The following SNX27 variants were observed in gnomAD, a reference collection of about 807,000 sequenced individuals.
The protein encoded by SNX27 is sorting nexin-27.
A neutral mutation model predicts 71.6 loss-of-function variants in SNX27; 22 were observed. That is an observed-to-expected ratio of 0.31 (90% CI 0.22 to 0.44). The LOEUF (loss-of-function observed/expected upper bound fraction) is 0.44, where lower values mean the gene tolerates loss of function less well. Ranked by LOEUF, SNX27 falls within the 20% of genes least tolerant of loss-of-function variation. The pLI is 1.00. For missense variants in SNX27, 531 were observed against 698.6 expected (o/e 0.76, Z 2.70); for synonymous variants, 269 against 277.2 (o/e 0.97, Z 0.29).
At chr1:151,672,539 C>CT (rs1346454580) in intron 7 of SNX27, among the ~76,000 whole-genome samples, 5 of 151,996 alleles carry the variant, frequency 3.3e-5, no homozygotes, top group Non-Finnish European at 7.4e-5. Context: ...CTCCTCCTCT[C>CT]TTTTTTTGAA....
At position 151,696,649 on chromosome 1, in the gene SNX27, C is replaced by A. The variant is rs1249674253; in HGVS notation, c.*2232C>A. On this transcript the variant is annotated 3_prime_UTR_variant, in exon 12 of 12. Coordinates refer to ENST00000458013, the MANE Select transcript of SNX27 (RefSeq NM_001330723.2). ...TTCCCCTTCCTTCCTTCCTTTTTTT[C>A]TGTTTTTTTTTTTTTTTTTTCCCAG... 1 of 105,358 alleles carries A rather than the reference C, an allele frequency of 9.5e-6. No homozygotes were observed. The highest frequency in any genetic ancestry group is 3.3e-4 in the East Asian group (1 of 3,036). 6.5% of individuals were successfully genotyped at this position (105,358 alleles called of 1,614,324 possible). A position where few individuals can be genotyped will look rare whatever the true frequency, so the allele number is the denominator to read the frequency against.
At position 151,691,969 on chromosome 1, in the gene SNX27, G is replaced by A. The variant is rs146836230; in HGVS notation, c.1240-466G>A. Among the ~76,000 whole-genome samples the A allele has an allele frequency of 8.4e-3, 1,277 of 152,270 alleles. 14 individuals are homozygous for A. Among genetic ancestry groups the A allele is most frequent in the Non-Finnish European group, 0.012 (849 of 68,016 alleles). ...AACCCTTGCACTTTCGGTGGCTGAGGTGGGAGGATTAGTTGAGCCCAGGAG... is the reference window on the plus strand; with the variant it reads ...AACCCTTGCACTTTCGGTGGCTGAGATGGGAGGATTAGTTGAGCCCAGGAG... On this transcript the variant is annotated intron_variant, in intron 8 of 11. Transcript: ENST00000458013.
At chr1:151,628,647 A>G (rs1668059431) in intron 1 of SNX27, among the ~76,000 whole-genome samples, 1 of 152,168 alleles carries the variant, frequency 6.6e-6, no homozygotes, top group South Asian at 2.1e-4. Flanking sequence ...AGCATTTGGT[A>G]TTTGGTATTA....
chr1:151,613,214 C>T (rs1260911409), intron 1 of SNX27: 1 of 151,686 alleles, frequency 6.6e-6, no homozygotes, highest in African/African-American at 2.4e-5. Context: ...CCTTGCATGC[C>T]TTTGGGGTGG....
At chr1:151,651,563 G>A (rs1243546928) in intron 2 of SNX27, among the ~76,000 whole-genome samples, 5 of 151,926 alleles carry the variant, frequency 3.3e-5, no homozygotes, top group South Asian at 4.2e-4. Context: ...CCTCCCAGAC[G>A]GGGTCGCGGC....
At chr1:151,614,193 A>C (rs1406006500) in intron 1 of SNX27, 1 of 152,012 alleles carries the variant, frequency 6.6e-6, no homozygotes, top group Non-Finnish European at 1.5e-5. Context: ...AAAAAAAAGA[A>C]ATAGTTGCTC....
chr1:151,688,295 A>G (rs1671278950), intron 8 of SNX27, among the ~76,000 whole-genome samples: 1 of 152,282 alleles, frequency 6.6e-6, no homozygotes, highest in East Asian at 1.9e-4. Context: ...TTGGTGTTTT[A>G]AATACCAAAT....
chr1:151,637,153 G>GTTTTT lies in SNX27; in HGVS notation c.312-1731_312-1727dup, dbSNP rs200938062. 1.0e-3 allele frequency among the ~76,000 whole-genome samples: 65 copies of GTTTTT among 64,088 alleles called. 3 individuals are homozygous for GTTTTT. Among genetic ancestry groups the GTTTTT allele is most frequent in the African/African-American group, 2.5e-3 (50 of 20,288 alleles). The allele number at this position is 64,088 out of a possible 152,430, so 42.0% of individuals were successfully genotyped here. A position where few individuals can be genotyped will look rare whatever the true frequency, so the allele number is the denominator to read the frequency against. On this transcript the variant is annotated intron_variant, in intron 1 of 11. Transcript: ENST00000458013. ...CTGGTATATGATCAGAGTTGATCAC[G>GTTTTT]TTTTTTTTGTTTTTTTGTTTTTTTT...
chr1:151,650,713 A>G (rs920107962), intron 2 of SNX27, among the ~76,000 whole-genome samples: 2 of 152,020 alleles, frequency 1.3e-5, no homozygotes, highest in African/African-American at 2.4e-5. Flanking sequence ...CAAGTGAACA[A>G]AGGTCTCTGG....
chr1:151,689,850 C>CT lies in SNX27; in HGVS notation c.1240-2573dup, dbSNP rs34443261. ...TAACATTTTATTGTATCTATATATA[C>CT]TTTTTTTTTTTTGAGATGGAGTCTC... On this transcript the variant is annotated intron_variant, in intron 8 of 11. Transcript: ENST00000458013. Among the ~76,000 whole-genome samples the CT allele has an allele frequency of 6.4e-3, 942 of 148,186 alleles. 8 individuals are homozygous for CT. Among genetic ancestry groups the CT allele is most frequent in the African/African-American group, 0.022 (869 of 40,414 alleles).
chr1:151,618,627 G>T (rs1026933733), intron 1 of SNX27, among the ~76,000 whole-genome samples: 1 of 152,166 alleles, frequency 6.6e-6, no homozygotes, highest in Non-Finnish European at 1.5e-5. Context: ...ATTTTTCTAG[G>T]TAAGTCCCAT....
Position 151,612,218 on chromosome 1 carries a change from G to C in SNX27, c.17G>C (p.Gly6Ala). MADED[G>A]EGIHPSAPHR... ...GCTCGCAAGATGGCGGACGAGGACG[G>C]GGAAGGGATTCATCCCTCAGCCCCT... Residue 6 changes from glycine (G) to alanine (A), a missense_variant, in exon 1 of 12, where the codon GGG (glycine) becomes GCG (alanine). Gly to Ala is a moderately conservative substitution (Grantham distance 60). This residue lies in a region of SNX27 where 130 missense variants were observed against 143.5 expected (regional missense o/e 0.91). Transcript: ENST00000458013. The surrounding 1 kb of genome is among the most constrained non-coding windows in gnomAD (Gnocchi z 5.2). 7.3e-7 allele frequency: 1 copy of C among 1,370,970 alleles called. No individual in the cohort carries two copies. 84.9% of individuals were successfully genotyped at this position (1,370,970 alleles called of 1,614,324 possible).
At chr1:151,691,509 C>G (rs1324717328) in intron 8 of SNX27, among the ~76,000 whole-genome samples, 1 of 130,042 alleles carries the variant, frequency 7.7e-6, no homozygotes, top group Non-Finnish European at 1.6e-5. Flanking sequence ...CTTGCTCTGT[C>G]TCCCAGGCTG....
At chr1:151,630,835 C>G (rs1668195924) in intron 1 of SNX27, among the ~76,000 whole-genome samples, 1 of 152,154 alleles carries the variant, frequency 6.6e-6, no homozygotes, top group East Asian at 1.9e-4. Flanking sequence ...AGATCGAGAC[C>G]ATCCTGGCTA....
chr1:151,672,596 G>T (rs1170858063), intron 7 of SNX27, among the ~76,000 whole-genome samples: 2 of 152,014 alleles, frequency 1.3e-5, no homozygotes, highest in Non-Finnish European at 2.9e-5. Flanking sequence ...ATGTCTGATA[G>T]AATTTAGCAG....
At chr1:151,658,681 A>G (rs972593202) in intron 3 of SNX27, among the ~76,000 whole-genome samples, 1 of 152,064 alleles carries the variant, frequency 6.6e-6, no homozygotes, top group Non-Finnish European at 1.5e-5. Context: ...GCATTTGGTG[A>G]TGCCTAATGG....
chr1:151,692,321 C>A (rs1671487378), intron 8 of SNX27, 114 bp from the exon 9 acceptor site: 2 of 1,328,674 alleles, frequency 1.5e-6, no homozygotes, highest in Non-Finnish European at 2.0e-6. Context: ...GGTGAGAATA[C>A]TCTTTGTTCT....
chr1:151,612,464 G>C lies in SNX27; in HGVS notation c.263G>C (p.Gly88Ala), dbSNP rs1231812552. 7.0e-7 allele frequency: 1 copy of C among 1,425,756 alleles called. No homozygotes were observed. Among genetic ancestry groups the C allele is most frequent in the Admixed American group, 3.2e-5 (1 of 31,508 alleles). The allele number at this position is 1,425,756 out of a possible 1,614,324, so 88.3% of individuals were successfully genotyped here. A position where few individuals can be genotyped will look rare whatever the true frequency, so the allele number is the denominator to read the frequency against. Residue 88 changes from glycine (G) to alanine (A), a missense_variant, in exon 1 of 12, where the codon GGG becomes GCG. Transcript: ENST00000458013. This position sits in a 1 kb window ranked among gnomAD's most constrained non-coding sequence, Gnocchi z 5.2. ...CATGTGAGCGCCGTGCTGCCCGGGG[G>C]GGCGGCCGATCGGGCCGGGGTGCGC... Reference protein sequence around the residue: ...LQHVSAVLPGGAADRAGVRKG... With the variant: ...LQHVSAVLPGAAADRAGVRKG...
At chr1:151,629,494 T>A (rs567981378) in intron 1 of SNX27, 3 of 150,822 alleles carry the variant, frequency 2.0e-5, no homozygotes. Context: ...TATACATGTA[T>A]GCGTATATAT....
Sources: gnomAD v4.1 joint callset for allele counts (sites outside exome capture counted in the v4.1 genomes callset) on GRCh38, gnomAD v4.1.1 for gene constraint, gnomAD v4.1.1 regional missense constraint, Gnocchi (gnomAD v3.1) non-coding constraint, MANE v1.5 for transcripts, NCBI Gene and HGNC (gene_info 2026-07-23, HGNC 2026-07-21) for gene names.